Variants in CSMD1 observed in about 807,000 individuals in gnomAD.
CSMD1 encodes the protein CUB and Sushi multiple domains 1, also known as CUB and sushi domain-containing protein 1.
A neutral mutation model predicts 417.5 loss-of-function variants in CSMD1; 213 were observed. That is an observed-to-expected ratio of 0.51 (90% CI 0.46 to 0.57). The LOEUF is 0.57. CSMD1 is among the 20% of genes least tolerant of loss of function. The pLI, the probability that CSMD1 is intolerant of heterozygous loss-of-function variation, is 0.00. For synonymous variants in CSMD1, 2,862 were observed against 1,736.8 expected (o/e 1.65, Z -16.11); for missense variants, 6,923 against 4,529.7 (o/e 1.53, Z -15.17).
chr8:3,656,964 C>T (rs1798142153), intron 7 of CSMD1, among the ~76,000 whole-genome samples: 1 of 151,422 alleles, frequency 6.6e-6, no homozygotes, highest in Non-Finnish European at 1.5e-5. Context: ...ACTCACTTTG[C>T]AAGCCAATCA....
chr8:3,171,987 C>G (rs1248769209), intron 37 of CSMD1, among the ~76,000 whole-genome samples: 1 of 152,150 alleles, frequency 6.6e-6, no homozygotes, highest in Non-Finnish European at 1.5e-5. Flanking sequence ...CTAGACTTAC[C>G]TAAATGATAT....
At chr8:4,267,730 T>C (rs1209314690) in intron 3 of CSMD1, among the ~76,000 whole-genome samples, 2 of 152,158 alleles carry the variant, frequency 1.3e-5, no homozygotes, top group Non-Finnish European at 2.9e-5. Context: ...GTTCTGAAGA[T>C]ATTCCAAATT....
At chr8:3,757,153 C>G (rs1229123701) in intron 5 of CSMD1, among the ~76,000 whole-genome samples, 6 of 152,020 alleles carry the variant, frequency 3.9e-5, no homozygotes, top group Admixed American at 1.3e-4. Context: ...ACAAATAAAT[C>G]CCCTCTCTAC....
chr8:3,474,715 T>G (rs1303118964), intron 11 of CSMD1, among the ~76,000 whole-genome samples: 1 of 152,156 alleles, frequency 6.6e-6, no homozygotes, highest in Non-Finnish European at 1.5e-5. Context: ...TCCAAAGACC[T>G]ATTAATGATG....
intron 3 of CSMD1, among the ~76,000 whole-genome samples, chr8:4,345,231 G>T (rs1251375259): frequency 6.6e-6 from 1 of 152,166 alleles, no homozygotes; most frequent in Non-Finnish European, 1.5e-5. Flanking sequence ...AGCTATTGCG[G>T]TTTGGAGGTG....
At chr8:4,008,917 G>A (rs1242071640) in intron 4 of CSMD1, among the ~76,000 whole-genome samples, 16 of 152,068 alleles carry the variant, frequency 1.1e-4, no homozygotes, top group Non-Finnish European at 1.5e-5. Flanking sequence ...GTCTGATTCA[G>A]TATTTTCTAA....
intron 5 of CSMD1, among the ~76,000 whole-genome samples, chr8:3,908,202 A>T (rs867111742): frequency 3.3e-5 from 5 of 152,194 alleles, no homozygotes; most frequent in African/African-American, 1.2e-4. Context: ...TACTAAGCAC[A>T]TAATAGTCAT....
chr8:4,349,887 G>A (rs1305810130), intron 3 of CSMD1, among the ~76,000 whole-genome samples: 2 of 150,744 alleles, frequency 1.3e-5, no homozygotes, highest in Non-Finnish European at 2.9e-5. Context: ...GAAAAGACAG[G>A]GAGCCAAAAT....
At chr8:4,198,254 A>G (rs7013270) in intron 3 of CSMD1, among the ~76,000 whole-genome samples, 16,159 of 152,244 alleles carry the variant, frequency 0.11, 1,247 homozygotes, top group African/African-American at 0.2. Flanking sequence ...GTTATCCTCA[A>G]CTCATTATTA....
intron 3 of CSMD1, among the ~76,000 whole-genome samples, chr8:4,065,060 T>G (rs1279301375): frequency 6.6e-6 from 1 of 152,234 alleles, no homozygotes; most frequent in African/African-American, 2.4e-5. Flanking sequence ...TAAAAATTAC[T>G]GATTATAATT....
intron 3 of CSMD1, among the ~76,000 whole-genome samples, chr8:4,282,181 T>C (rs192919580): frequency 2.0e-5 from 3 of 152,368 alleles, no homozygotes; most frequent in African/African-American, 7.2e-5. Flanking sequence ...TGAAGTCACG[T>C]TTTGATCAAT....
chr8:4,607,459 C>T (rs992612791), intron 2 of CSMD1, among the ~76,000 whole-genome samples: 1 of 152,182 alleles, frequency 6.6e-6, no homozygotes, highest in African/African-American at 2.4e-5. Flanking sequence ...AGTTGTGAAG[C>T]TAGGGCCTGA....
intron 3 of CSMD1, among the ~76,000 whole-genome samples, chr8:4,210,856 C>T (rs1322700930): frequency 1.3e-5 from 2 of 152,072 alleles, no homozygotes; most frequent in Non-Finnish European, 2.9e-5. Context: ...AGAAATGTTT[C>T]ACAGCAGTGT....
intron 5 of CSMD1, among the ~76,000 whole-genome samples, chr8:3,780,763 C>G (rs931553183): frequency 5.3e-5 from 8 of 152,136 alleles, no homozygotes; most frequent in Non-Finnish European, 1.2e-4. Context: ...GGGTGACATT[C>G]TTATACACAG....
intron 3 of CSMD1, among the ~76,000 whole-genome samples, chr8:4,412,460 G>T (rs551337306): frequency 6.6e-6 from 1 of 152,070 alleles, no homozygotes; most frequent in Non-Finnish European, 1.5e-5. Context: ...ACAGAAGCCG[G>T]GCAGATGCCA....
intron 23 of CSMD1, among the ~76,000 whole-genome samples, chr8:3,341,856 G>C (rs547078791): frequency 1.3e-5 from 2 of 152,060 alleles, no homozygotes; most frequent in African/African-American, 4.8e-5. Flanking sequence ...GCAAGGAAGC[G>C]GGGATGAAGA....
intron 1 of CSMD1, among the ~76,000 whole-genome samples, chr8:4,811,122 A>G (rs1458715426): frequency 6.6e-6 from 1 of 152,226 alleles, no homozygotes; most frequent in Non-Finnish European, 1.5e-5. Context: ...ATGGCAACAC[A>G]TAAATGATCA....
At chr8:4,050,158 G>T (rs917795881) in intron 3 of CSMD1, among the ~76,000 whole-genome samples, 1 of 152,100 alleles carries the variant, frequency 6.6e-6, no homozygotes, top group Admixed American at 6.5e-5. Context: ...CCAGGGACAC[G>T]CATCATCAGT....
intron 2 of CSMD1, among the ~76,000 whole-genome samples, chr8:4,498,371 T>G (rs1016712186): frequency 2.0e-5 from 3 of 152,216 alleles, no homozygotes; most frequent in African/African-American, 7.2e-5. Context: ...TAATCTTATA[T>G]AGCATGTGCA....
Sources: allele counts gnomAD v4.1 joint callset (sites outside exome capture counted in the v4.1 genomes callset), GRCh38; gene constraint gnomAD v4.1.1; transcripts MANE v1.5; gene names NCBI Gene and HGNC (gene_info 2026-07-23, HGNC 2026-07-21).